The following ASTN2 variants were observed in gnomAD, a reference collection of about 807,000 sequenced individuals.
ASTN2 encodes astrotactin 2, also known as astrotactin-2.
ASTN2 carries 54 observed loss-of-function variants against 139.8 expected under a neutral mutation model. The observed-to-expected ratio is 0.39, with a 90% confidence interval of 0.31 to 0.48. ASTN2 has a LOEUF of 0.48. Ranked by LOEUF, ASTN2 falls within the 20% of genes least tolerant of loss-of-function variation. The pLI, the probability that ASTN2 is intolerant of heterozygous loss-of-function variation, is 0.95. For synonymous variants in ASTN2, 756 were observed against 719.5 expected (o/e 1.05, Z -0.81); for missense variants, 1,565 against 1,725.1 (o/e 0.91, Z 1.64).
At chr9:116,978,564 G>T (rs1659411942) in intron 7 of ASTN2, among the ~76,000 whole-genome samples, 1 of 151,258 alleles carries the variant, frequency 6.6e-6, no homozygotes, top group Non-Finnish European at 1.5e-5. Context: ...CAGTGATTCT[G>T]ATAGACAGGA....
chr9:116,860,954 A>T (rs1564310037), intron 11 of ASTN2, among the ~76,000 whole-genome samples: 1 of 152,168 alleles, frequency 6.6e-6, no homozygotes, highest in Non-Finnish European at 1.5e-5. Flanking sequence ...AGAGAAATGA[A>T]AGGGATTTAA....
chr9:116,728,566 C>T (rs981069256), intron 15 of ASTN2, among the ~76,000 whole-genome samples: 9 of 151,796 alleles, frequency 5.9e-5, no homozygotes, highest in African/African-American at 1.2e-4. Context: ...ATTTTTGTAT[C>T]GGAGATGGAC....
At chr9:116,904,195 G>A (rs1327070999) in intron 10 of ASTN2, among the ~76,000 whole-genome samples, 2 of 152,136 alleles carry the variant, frequency 1.3e-5, no homozygotes, top group Non-Finnish European at 2.9e-5. Context: ...CTACCACAGG[G>A]CCTGGCATAC....
At chr9:116,465,966 C>CTTTA (rs1848636712) in intron 20 of ASTN2, among the ~76,000 whole-genome samples, 1 of 117,848 alleles carries the variant, frequency 8.5e-6, no homozygotes, top group African/African-American at 3.7e-5. Context: ...TTTCTCCATA[C>CTTTA]TTTATTTTAT....
At chr9:116,693,347 T>C (rs1247313356) in intron 16 of ASTN2, among the ~76,000 whole-genome samples, 1 of 152,174 alleles carries the variant, frequency 6.6e-6, no homozygotes, top group Non-Finnish European at 1.5e-5. Context: ...GGTTCATTCT[T>C]TTGTTTTGTT....
chr9:116,450,284 A>C (rs567299766), intron 20 of ASTN2, among the ~76,000 whole-genome samples: 1 of 152,314 alleles, frequency 6.6e-6, no homozygotes, highest in South Asian at 2.1e-4. Flanking sequence ...AGCATCGTCA[A>C]GGCCTAAAAT....
intron 11 of ASTN2, among the ~76,000 whole-genome samples, chr9:116,835,458 C>G (rs1320581566): frequency 6.6e-6 from 1 of 152,174 alleles, no homozygotes; most frequent in Non-Finnish European, 1.5e-5. Flanking sequence ...TTCAGACCCT[C>G]CCAATCCTAA....
chr9:117,376,589 A>C (rs1051213762), intron 1 of ASTN2, among the ~76,000 whole-genome samples: 2 of 152,186 alleles, frequency 1.3e-5, no homozygotes, highest in Non-Finnish European at 2.9e-5. Context: ...TTTCCTTCTC[A>C]GCAGCCAGGC....
At chr9:117,221,854 A>G (rs1160384145) in intron 2 of ASTN2, among the ~76,000 whole-genome samples, 1 of 151,804 alleles carries the variant, frequency 6.6e-6, no homozygotes, top group Non-Finnish European at 1.5e-5. Context: ...GAAGAAAAAA[A>G]AAAAAGAAAA....
At chr9:116,989,199 T>C (rs564687259) in intron 7 of ASTN2, among the ~76,000 whole-genome samples, 6 of 152,322 alleles carry the variant, frequency 3.9e-5, no homozygotes, top group Admixed American at 3.3e-4. Context: ...TATACAATTA[T>C]AGCAAAAATA....
At chr9:117,114,164 G>T (rs1421213980) in intron 4 of ASTN2, among the ~76,000 whole-genome samples, 14 of 124,000 alleles carry the variant, frequency 1.1e-4, no homozygotes, top group Admixed American at 8.2e-4. Flanking sequence ...ATGAACATTA[G>T]TCTTTTTTTT....
chr9:117,068,541 T>A lies in ASTN2; in HGVS notation c.1276+27503A>T, dbSNP rs896034181. 1.7e-5 allele frequency among the ~76,000 whole-genome samples: 2 copies of A among 116,618 alleles called. 1 individual carries two copies. Among genetic ancestry groups the A allele is most frequent in the Non-Finnish European group, 3.7e-5 (2 of 54,532 alleles). 76.5% of individuals were successfully genotyped at this position (116,618 alleles called of 152,430 possible). On this transcript the variant is annotated intron_variant, in intron 5 of 22. Coordinates refer to ENST00000313400, the MANE Select transcript of ASTN2 (RefSeq NM_001365068.1). ...GCCTCATAAAATGCGTTAGGGAGGA[T>A]TCCCTCTTTTTCTATTGATTGGAAT...
chr9:117,389,872 C>G (rs1588005243), intron 1 of ASTN2, among the ~76,000 whole-genome samples: 1 of 149,712 alleles, frequency 6.7e-6, no homozygotes, highest in South Asian at 2.1e-4. Context: ...AAAAAAAGAA[C>G]AGGGTGTTGT....
chr9:116,608,727 C>T (rs1436473706), intron 19 of ASTN2, among the ~76,000 whole-genome samples: 6 of 152,038 alleles, frequency 3.9e-5, no homozygotes, highest in Admixed American at 6.6e-5. Flanking sequence ...GCATCTAATA[C>T]GAAATTACCT....
rs747533628 is a variant in ASTN2, at chr9:116,698,118, G to A, written c.2806+27653C>T. The A allele has an allele frequency of 6.2e-7, 1 of 1,614,120 alleles. No homozygotes were observed. The highest frequency in any genetic ancestry group is 8.5e-7 in the Non-Finnish European group (1 of 1,180,038). On this transcript the variant is annotated intron_variant, in intron 16 of 22. Transcript: ENST00000313400. This position sits in a 1 kb window ranked among gnomAD's most constrained non-coding sequence, Gnocchi z 4.4. ...GGTGTTATGTGAGCCCTGCCGGGAG[G>A]CAGACCATCAGCCTCCTGGCCACTG...
intron 3 of ASTN2, among the ~76,000 whole-genome samples, chr9:117,213,571 A>T (rs1356807273): frequency 6.6e-6 from 1 of 152,194 alleles, no homozygotes; most frequent in African/African-American, 2.4e-5. Flanking sequence ...ATGTACGAAC[A>T]TTATTTGTCA....
intron 1 of ASTN2, among the ~76,000 whole-genome samples, chr9:117,366,830 G>A (rs1008978812): frequency 7.9e-5 from 12 of 151,922 alleles, no homozygotes; most frequent in African/African-American, 2.2e-4. Flanking sequence ...GCTGGAGCAC[G>A]GTGGCATGAT....
intron 6 of ASTN2, among the ~76,000 whole-genome samples, chr9:117,018,459 G>T (rs780603426): frequency 3.9e-5 from 6 of 152,102 alleles, no homozygotes; most frequent in Non-Finnish European, 5.9e-5. Context: ...TACACTGTGG[G>T]TTCGATGCCA....
At chr9:116,677,149 G>T (rs549110766) in intron 16 of ASTN2, among the ~76,000 whole-genome samples, 93 of 152,172 alleles carry the variant, frequency 6.1e-4, no homozygotes, top group Non-Finnish European at 1.1e-3. Context: ...CTTGGAACTT[G>T]TTTTTCTGGA....
Sources: gnomAD v4.1 joint callset for allele counts (sites outside exome capture counted in the v4.1 genomes callset) on GRCh38, gnomAD v4.1.1 for gene constraint, Gnocchi (gnomAD v3.1) non-coding constraint, MANE v1.5 for transcripts, NCBI Gene and HGNC (gene_info 2026-07-23, HGNC 2026-07-21) for gene names.